SLC16A7: variants seen among roughly 807,000 people sequenced by gnomAD.
SLC16A7 encodes the protein solute carrier family 16 member 7, also known as monocarboxylate transporter 2.
A neutral mutation model predicts 34.9 loss-of-function variants in SLC16A7; 33 were observed. That is an observed-to-expected ratio of 0.94 (90% CI 0.72 to 1.26). The LOEUF (loss-of-function observed/expected upper bound fraction) is 1.26, where lower values mean the gene tolerates loss of function less well. SLC16A7 is among the 50% of genes most tolerant of loss of function. The pLI, the probability that SLC16A7 is intolerant of heterozygous loss-of-function variation, is 0.00. For synonymous variants in SLC16A7, 201 were observed against 206.6 expected (o/e 0.97, Z 0.23); for missense variants, 573 against 578.1 (o/e 0.99, Z 0.09).
chr12:59,632,667 T>C (rs1009506731), intron 1 of SLC16A7, among the ~76,000 whole-genome samples: 3 of 152,002 alleles, frequency 2.0e-5, no homozygotes, highest in African/African-American at 7.2e-5. Flanking sequence ...GAAAGCCACA[T>C]GTTTCCAAGC....
chr12:59,669,808 A>G (rs1348418151), intron 2 of SLC16A7, among the ~76,000 whole-genome samples: 1 of 152,216 alleles, frequency 6.6e-6, no homozygotes, highest in Non-Finnish European at 1.5e-5. Context: ...CAAATCATGG[A>G]TAAGTCACAT....
At chr12:59,671,799 GTATATATGTGTA>G (rs1219658790) in intron 2 of SLC16A7, among the ~76,000 whole-genome samples, 35 of 139,816 alleles carry the variant, frequency 2.5e-4, no homozygotes, top group African/African-American at 7.4e-4. Flanking sequence ...ATGTATATAT[GTATATATGTGTA>G]TATATATGTG....
chr12:59,735,690 A>G (rs1822621889), intron 3 of SLC16A7, among the ~76,000 whole-genome samples: 1 of 152,192 alleles, frequency 6.6e-6, no homozygotes, highest in Non-Finnish European at 1.5e-5. Context: ...TTTTAAATGA[A>G]AAACTGTAGC....
chr12:59,665,826 GTGTGTGTGTGTGTGTGTCTA>G (rs1400194784), intron 2 of SLC16A7, among the ~76,000 whole-genome samples: 3 of 151,670 alleles, frequency 2.0e-5, no homozygotes, highest in Non-Finnish European at 4.4e-5. Context: ...GTGTGTGTGT[GTGTGTGTGTGTGTGTGTCTA>G]TGTGTGTGTG....
At chr12:59,630,310 C>T (rs1880124117) in intron 1 of SLC16A7, among the ~76,000 whole-genome samples, 1 of 151,818 alleles carries the variant, frequency 6.6e-6, no homozygotes, top group Non-Finnish European at 1.5e-5. Flanking sequence ...TCCTGTCTTT[C>T]ATGGGACAAA....
chr12:59,635,604 T>C (rs1038298809), intron 1 of SLC16A7, among the ~76,000 whole-genome samples: 1 of 152,114 alleles, frequency 6.6e-6, no homozygotes, highest in African/African-American at 2.4e-5. Flanking sequence ...TGAAAATCCA[T>C]GTATCAGTTA....
At chr12:59,773,565 A>G (rs963707986) in intron 4 of SLC16A7, among the ~76,000 whole-genome samples, 6 of 151,138 alleles carry the variant, frequency 4.0e-5, no homozygotes, top group Non-Finnish European at 7.4e-5. Flanking sequence ...ATATAAACCA[A>G]TGTACTTTTT....
chr12:59,775,127 G>A lies in SLC16A7; in HGVS notation c.832G>A (p.Asp278Asn), dbSNP rs750890397. 1.2e-6 allele frequency: 2 copies of A among 1,614,084 alleles called. No individual in the cohort carries two copies. Among genetic ancestry groups the A allele is most frequent in the East Asian group, 4.5e-5 (2 of 44,872 alleles). ...TCCATATGCTAAAGACCAAGGAATT[G>A]ATGAGTACTCGGCAGCTTTTCTGCT... Reference protein sequence around the residue: ...LAPYAKDQGIDEYSAAFLLSV... With the variant: ...LAPYAKDQGINEYSAAFLLSV... The change falls in exon 5 of 6, where the codon GAT becomes AAT. Residue 278 changes from aspartate (D) to asparagine (N), a missense_variant. Transcript: ENST00000547379.
At chr12:59,724,512 T>C (rs1876000812) in intron 3 of SLC16A7, among the ~76,000 whole-genome samples, 1 of 151,994 alleles carries the variant, frequency 6.6e-6, no homozygotes, top group Non-Finnish European at 1.5e-5. Context: ...AAATACATGT[T>C]GCAAAGTGCA....
At chr12:59,615,901 G>T (rs953763616) in intron 1 of SLC16A7, among the ~76,000 whole-genome samples, 6 of 152,146 alleles carry the variant, frequency 3.9e-5, no homozygotes, top group African/African-American at 1.4e-4. Flanking sequence ...TTGCACCCTG[G>T]CCTGGTTCCT....
intron 1 of SLC16A7, among the ~76,000 whole-genome samples, chr12:59,610,222 A>G (rs1451292034): frequency 6.6e-6 from 1 of 152,210 alleles, no homozygotes; most frequent in Non-Finnish European, 1.5e-5. Context: ...AGCTAAAAAT[A>G]AAAATCATCA....
intron 1 of SLC16A7, among the ~76,000 whole-genome samples, chr12:59,644,124 G>A (rs1419407587): frequency 1.3e-5 from 2 of 151,978 alleles, no homozygotes; most frequent in African/African-American, 4.8e-5. Context: ...AATATAACAG[G>A]AGAATTTATT....
intron 2 of SLC16A7, among the ~76,000 whole-genome samples, chr12:59,699,706 C>T (rs1225500842): frequency 6.6e-6 from 1 of 151,668 alleles, no homozygotes; most frequent in Non-Finnish European, 1.5e-5. Flanking sequence ...TATGGTCAAT[C>T]CTTATTATGA....
chr12:59,626,586 G>A (rs957566649), intron 1 of SLC16A7, among the ~76,000 whole-genome samples: 1 of 151,678 alleles, frequency 6.6e-6, no homozygotes, highest in Non-Finnish European at 1.5e-5. Context: ...TCAAACACAG[G>A]AGTGCTGATC....
At chr12:59,762,323 G>T (rs1045902339) in intron 3 of SLC16A7, among the ~76,000 whole-genome samples, 3 of 151,980 alleles carry the variant, frequency 2.0e-5, no homozygotes, top group African/African-American at 7.2e-5. Flanking sequence ...TTTCATTCTA[G>T]CTTGAATATC....
At chr12:59,612,681 A>T (rs1364675595) in intron 1 of SLC16A7, among the ~76,000 whole-genome samples, 2 of 152,002 alleles carry the variant, frequency 1.3e-5, no homozygotes, top group Non-Finnish European at 2.9e-5. Flanking sequence ...CTGCTTAGAC[A>T]TTTCTTCCAC....
intron 1 of SLC16A7, among the ~76,000 whole-genome samples, chr12:59,618,898 A>G (rs1428439075): frequency 3.3e-5 from 5 of 151,990 alleles, no homozygotes; most frequent in Non-Finnish European, 7.4e-5. Flanking sequence ...TTACTTGGCA[A>G]TTGGCTGCGT....
chr12:59,781,936 A>G lies in SLC16A7; in HGVS notation c.*2257A>G, dbSNP rs1353934088. On this transcript the variant is annotated 3_prime_UTR_variant, in exon 6 of 6. Transcript: ENST00000547379. ...TATATTTTTTATTACCTTCTAGTAG[A>G]GACATCCTCCTGGGTGCATTTCAGT... is the stretch of plus-strand genomic sequence containing the variant. 1.3e-5 allele frequency: 2 copies of G among 152,156 alleles called. No homozygotes were observed. Among genetic ancestry groups the G allele is most frequent in the African/African-American group, 4.8e-5 (2 of 41,448 alleles). The allele number at this position is 152,156 out of a possible 1,614,324, so 9.4% of individuals were successfully genotyped here. A position where few individuals can be genotyped will look rare whatever the true frequency, so the allele number is the denominator to read the frequency against.
chr12:59,732,919 G>A (rs1307452979), intron 3 of SLC16A7, among the ~76,000 whole-genome samples: 1 of 152,174 alleles, frequency 6.6e-6, no homozygotes, highest in African/African-American at 2.4e-5. Context: ...TATGGGAAGA[G>A]TATGTAATTC....
Sources: allele counts gnomAD v4.1 joint callset (sites outside exome capture counted in the v4.1 genomes callset), GRCh38; gene constraint gnomAD v4.1.1; transcripts MANE v1.5; gene names NCBI Gene and HGNC (gene_info 2026-07-23, HGNC 2026-07-21).